RAP1A: variants seen among roughly 807,000 people sequenced by gnomAD.
RAP1A encodes the protein RAP1A, member of RAS oncogene family, also known as ras-related protein Rap-1A.
A neutral mutation model predicts 26.4 loss-of-function variants in RAP1A; 6 were observed. That is an observed-to-expected ratio of 0.23 (90% CI 0.12 to 0.45). The LOEUF is 0.45. Ranked by LOEUF, RAP1A falls within the 20% of genes least tolerant of loss-of-function variation. The probability of loss-of-function intolerance (pLI) is 0.99; values close to 1 mark genes in which losing one functional copy is unlikely to be tolerated. For synonymous variants in RAP1A, 73 were observed against 79.4 expected (o/e 0.92, Z 0.43); for missense variants, 121 against 217.2 (o/e 0.56, Z 2.78).
At chr1:111,553,866 C>T (rs1657374980) in intron 1 of RAP1A, among the ~76,000 whole-genome samples, 1 of 152,206 alleles carries the variant, frequency 6.6e-6, no homozygotes, top group Admixed American at 6.5e-5. Flanking sequence ...TCATTGATCA[C>T]TCTTTCTGCA....
intron 1 of RAP1A, among the ~76,000 whole-genome samples, chr1:111,565,853 G>A (rs952809512): frequency 6.6e-6 from 1 of 151,812 alleles, no homozygotes; most frequent in Non-Finnish European, 1.5e-5. Flanking sequence ...ATTTCTACTG[G>A]ACAGCACATT....
chr1:111,549,201 T>C (rs1657153886), intron 1 of RAP1A, among the ~76,000 whole-genome samples: 2 of 152,148 alleles, frequency 1.3e-5, no homozygotes, highest in Non-Finnish European at 2.9e-5. Context: ...TAGAAGGTGT[T>C]AGGAAGTATC....
chr1:111,645,576 GA>G (rs1490413549), intron 1 of RAP1A, among the ~76,000 whole-genome samples: 1 of 152,236 alleles, frequency 6.6e-6, no homozygotes, highest in African/African-American at 2.4e-5. Context: ...ACATGGAATA[GA>G]GGAATCTGAG....
At chr1:111,545,533 A>C (rs912194575) in intron 1 of RAP1A, among the ~76,000 whole-genome samples, 1 of 152,098 alleles carries the variant, frequency 6.6e-6, no homozygotes, top group African/African-American at 2.4e-5. Flanking sequence ...GACTATTATC[A>C]GATATATGAT....
intron 1 of RAP1A, among the ~76,000 whole-genome samples, chr1:111,554,769 A>T (rs997107935): frequency 6.6e-5 from 10 of 152,220 alleles, no homozygotes; most frequent in Admixed American, 5.2e-4. Context: ...CTTCAAAGTG[A>T]TTCAGGTTGG....
intron 1 of RAP1A, among the ~76,000 whole-genome samples, chr1:111,666,072 T>A (rs1660788849): frequency 6.6e-6 from 1 of 152,132 alleles, no homozygotes; most frequent in Admixed American, 6.5e-5. Context: ...TAAACTGAAA[T>A]CAATAAAGGG....
upstream of RAP1A, among the ~76,000 whole-genome samples, chr1:111,616,711 G>A (rs552605953): frequency 6.6e-6 from 1 of 152,092 alleles, no homozygotes; most frequent in Non-Finnish European, 1.5e-5. Context: ...CTCAGACCTG[G>A]TCAAATACAA....
intron 1 of RAP1A, among the ~76,000 whole-genome samples, chr1:111,647,458 G>T (rs775899112): frequency 6.6e-6 from 1 of 152,024 alleles, no homozygotes; most frequent in Non-Finnish European, 1.5e-5. Context: ...CATCTCCCAC[G>T]CCCACTCCAG....
Position 111,591,484 on chromosome 1 carries a change from G to A in RAP1A, c.-28+48975G>A, listed in dbSNP as rs142631026. 3.3e-5 allele frequency among the ~76,000 whole-genome samples: 5 copies of A among 152,122 alleles called. No individual in the cohort carries two copies. The East Asian group carries it at 5.8e-4, about 18-fold the overall frequency. On this transcript the variant is annotated intron_variant, in intron 1 of 7. Transcript: ENST00000356415. ...TTAAAGCTTTTGTAAATTTCTCTGC[G>A]TAAGTTTTGGAATATATTTCATTAT...
chr1:111,691,453 A>G, intron 2 of RAP1A, 36 bp downstream of exon 2: 1 of 1,555,582 alleles, frequency 6.4e-7, no homozygotes, highest in Non-Finnish European at 8.9e-7. Context: ...GATTAATATA[A>G]TACAAGAAGA....
At chr1:111,545,577 C>T (rs1310113476) in intron 1 of RAP1A, among the ~76,000 whole-genome samples, 2 of 151,982 alleles carry the variant, frequency 1.3e-5, no homozygotes, top group Admixed American at 1.3e-4. Context: ...CTGGTTTGTA[C>T]TTTTACTTTC....
At chr1:111,617,478 G>T (rs575938094), upstream of RAP1A, among the ~76,000 whole-genome samples, 835 of 152,232 alleles carry the variant, frequency 5.5e-3, 9 homozygotes, top group Non-Finnish European at 8.9e-3. Flanking sequence ...TGTTGCCCAG[G>T]CTGGAGTGCA....
At position 111,703,492 on chromosome 1, in the gene RAP1A, C is replaced by T. The variant is rs560392495; in HGVS notation, c.324+16C>T. On this transcript the variant is annotated intron_variant, in intron 5 of 7. Coordinates refer to ENST00000369709, the MANE Select transcript of RAP1A (RefSeq NM_002884.4). ...CACGGAAGATGTAAGTATTTTTTCT[C>T]TCTGTAAGATGTTATGCCATCTCTC... The T allele has an allele frequency of 1.7e-5, 27 of 1,564,728 alleles. No individual in the cohort carries two copies. Among genetic ancestry groups the T allele is most frequent in the South Asian group, 4.8e-5 (4 of 83,250 alleles).
At chr1:111,554,116 A>T (rs1419626225) in intron 1 of RAP1A, among the ~76,000 whole-genome samples, 2 of 152,250 alleles carry the variant, frequency 1.3e-5, no homozygotes, top group African/African-American at 4.8e-5. Context: ...TGGGCTTATT[A>T]CTTAACTTCC....
intron 1 of RAP1A, among the ~76,000 whole-genome samples, chr1:111,680,152 T>A (rs1490423222): frequency 6.6e-6 from 1 of 152,222 alleles, no homozygotes; most frequent in Non-Finnish European, 1.5e-5. Context: ...TTGGTCTCGC[T>A]GACTTCAAGA....
chr1:111,670,174 T>C (rs1232132942), intron 1 of RAP1A, among the ~76,000 whole-genome samples: 1 of 151,934 alleles, frequency 6.6e-6, no homozygotes, highest in Non-Finnish European at 1.5e-5. Context: ...AAATATTAAT[T>C]AGGAAAGAAA....
At chr1:111,688,495 A>G (rs1230081098) in intron 1 of RAP1A, among the ~76,000 whole-genome samples, 1 of 150,820 alleles carries the variant, frequency 6.6e-6, no homozygotes, top group East Asian at 2.0e-4. Context: ...AATTTTTTGT[A>G]CTTTAGTAGA....
At chr1:111,667,542 C>T (rs1200265076) in intron 1 of RAP1A, among the ~76,000 whole-genome samples, 2 of 151,890 alleles carry the variant, frequency 1.3e-5, no homozygotes, top group African/African-American at 4.8e-5. Flanking sequence ...ATTAGCTGGG[C>T]GTGGTGGCCC....
intron 4 of RAP1A, among the ~76,000 whole-genome samples, chr1:111,700,444 C>T (rs1398244415): frequency 6.6e-6 from 1 of 152,132 alleles, no homozygotes; most frequent in African/African-American, 2.4e-5. Context: ...TTTTAAACAA[C>T]CAGATCTCAC....
Sources: allele counts gnomAD v4.1 joint callset (sites outside exome capture counted in the v4.1 genomes callset), GRCh38; gene constraint gnomAD v4.1.1; transcripts MANE v1.5; gene names NCBI Gene and HGNC (gene_info 2026-07-23, HGNC 2026-07-21).